The following CCSER1 variants were observed in gnomAD, a reference collection of about 807,000 sequenced individuals.
CCSER1 encodes serine-rich coiled-coil domain-containing protein 1.
In CCSER1, 41 loss-of-function variants were observed where a neutral mutation model predicts 82.0. The observed-to-expected ratio is 0.50, with a 90% CI of 0.39 to 0.65. The LOEUF is 0.65. Ranked by LOEUF, CCSER1 falls within the 30% of genes least tolerant of loss-of-function variation. The probability of loss-of-function intolerance (pLI) is 0.00; values close to 1 mark genes in which losing one functional copy is unlikely to be tolerated. For synonymous variants in CCSER1, 414 were observed against 383.9 expected, an observed-to-expected ratio of 1.08 and a Z score of -0.92; for missense variants, 1,119 against 1,064.2, an observed-to-expected ratio of 1.05 and a Z score of -0.72.
chr4:90,534,346 G>A (rs2153632205), intron 5 of CCSER1, among the ~76,000 whole-genome samples: 1 of 152,068 alleles, frequency 6.6e-6, no homozygotes, highest in African/African-American at 2.4e-5. Flanking sequence ...AGCCAGTATG[G>A]TCTTGATCTT....
intron 1 of CCSER1, among the ~76,000 whole-genome samples, chr4:90,190,130 C>T (rs1032505172): frequency 7.2e-5 from 11 of 151,990 alleles, no homozygotes; most frequent in African/African-American, 2.7e-4. Context: ...GGTCGAGAAA[C>T]TGAAGTACAG....
rs75984727 is a variant in CCSER1, at chr4:91,399,505, A to G, written c.2218-199067A>G. Reference sequence around the variant, plus strand: ...ATGCCTGTCTTCAGAGGGGTAATCAATTCCTCTAACCACTGAACAGGGATT... The same window carrying G: ...ATGCCTGTCTTCAGAGGGGTAATCAGTTCCTCTAACCACTGAACAGGGATT... On this transcript the variant is annotated intron_variant, in intron 10 of 10. Transcript: ENST00000509176. Among the ~76,000 whole-genome samples, 944 of 152,072 alleles carry G rather than the reference A, an allele frequency of 6.2e-3. 10 individuals carry two copies. The highest frequency in any genetic ancestry group is 0.022 in the African/African-American group (913 of 41,532).
At chr4:91,451,988 T>G (rs1755895845) in intron 10 of CCSER1, among the ~76,000 whole-genome samples, 1 of 151,964 alleles carries the variant, frequency 6.6e-6, no homozygotes, top group African/African-American at 2.4e-5. Context: ...CCTGAAGACT[T>G]ATCTCTATTT....
At chr4:90,154,180 A>G (rs1727525036) in intron 1 of CCSER1, among the ~76,000 whole-genome samples, 1 of 151,806 alleles carries the variant, frequency 6.6e-6, no homozygotes, top group Admixed American at 6.6e-5. Flanking sequence ...CAAAGATCAG[A>G]TAGTTTTAGA....
chr4:90,302,955 A>G (rs1733461442), intron 1 of CCSER1, among the ~76,000 whole-genome samples: 1 of 152,168 alleles, frequency 6.6e-6, no homozygotes, highest in Non-Finnish European at 1.5e-5. Context: ...CCAAGCCTTA[A>G]AGAGCCTTCC....
chr4:90,292,166 C>G (rs1731058160), intron 1 of CCSER1, among the ~76,000 whole-genome samples: 2 of 151,612 alleles, frequency 1.3e-5, no homozygotes, highest in Admixed American at 1.3e-4. Context: ...TCTTTTTTTC[C>G]TCTCTTTTTC....
chr4:91,594,607 C>G lies in CCSER1; in HGVS notation c.2218-3965C>G, dbSNP rs534181827. ...TTAAGAGGATGTTTCCTATGTACTTCTAAACATATTCCAAAACATGTAGCA... is the reference window on the plus strand; with the variant it reads ...TTAAGAGGATGTTTCCTATGTACTTGTAAACATATTCCAAAACATGTAGCA... On this transcript the variant is annotated intron_variant, in intron 10 of 10. Coordinates refer to ENST00000509176, the MANE Select transcript of CCSER1 (RefSeq NM_001145065.2). Among the ~76,000 whole-genome samples, 3 of 151,862 alleles carry G rather than the reference C, an allele frequency of 2.0e-5. No individual in the cohort carries two copies. The South Asian group carries it at 6.2e-4, about 31-fold the overall frequency.
intron 10 of CCSER1, among the ~76,000 whole-genome samples, chr4:91,573,672 G>A (rs1352135747): frequency 2.6e-5 from 4 of 152,164 alleles, no homozygotes; most frequent in African/African-American, 7.2e-5. Context: ...CCGTTGCCCT[G>A]CTTTGCTTTT....
intron 10 of CCSER1, among the ~76,000 whole-genome samples, chr4:91,474,815 A>ATATATG (rs1560700786): frequency 3.2e-4 from 20 of 63,408 alleles, no homozygotes; most frequent in African/African-American, 1.1e-3. Flanking sequence ...ATATATATAC[A>ATATATG]CACACACACA....
chr4:91,122,434 T>A (rs1727166345), intron 10 of CCSER1, among the ~76,000 whole-genome samples: 1 of 151,732 alleles, frequency 6.6e-6, no homozygotes, highest in Admixed American at 6.6e-5. Context: ...TTCTGACCCT[T>A]CCACATATTT....
intron 10 of CCSER1, among the ~76,000 whole-genome samples, chr4:91,558,963 G>A (rs910593730): frequency 2.6e-5 from 4 of 151,460 alleles, no homozygotes; most frequent in Non-Finnish European, 5.9e-5. Context: ...GGAGATTCTT[G>A]TTGATTTCAA....
At chr4:90,700,294 C>T (rs926294729) in intron 6 of CCSER1, among the ~76,000 whole-genome samples, 5 of 152,082 alleles carry the variant, frequency 3.3e-5, no homozygotes, top group African/African-American at 7.2e-5. Flanking sequence ...CAGCTTCATC[C>T]GTGTCCCTAC....
rs202011938 is a variant in CCSER1 at position 90,400,002 on chromosome 4, T to C, written c.1510-34T>C. ...GTATTTCCTCATTTACTCAGTGTTT[T>C]GGTTTCTAATTGTTGGTTTTGATTT... On this transcript the variant is annotated intron_variant, in intron 3 of 10. Coordinates refer to ENST00000509176, the MANE Select transcript of CCSER1 (RefSeq NM_001145065.2). 5.7e-6 allele frequency: 7 copies of C among 1,231,250 alleles called. No homozygotes were observed. In the East Asian group the frequency reaches 1.6e-4, roughly 29 times the overall value. The allele number at this position is 1,231,250 out of a possible 1,614,324, so 76.3% of individuals were successfully genotyped here.
intron 10 of CCSER1, among the ~76,000 whole-genome samples, chr4:91,098,853 T>C (rs1473066603): frequency 6.7e-6 from 1 of 149,630 alleles, no homozygotes; most frequent in South Asian, 2.2e-4. Flanking sequence ...GAATTGTTTT[T>C]TTAAAGGGAT....
chr4:91,390,401 G>A (rs774213008), intron 10 of CCSER1, among the ~76,000 whole-genome samples: 4 of 151,648 alleles, frequency 2.6e-5, no homozygotes, highest in Non-Finnish European at 5.9e-5. Flanking sequence ...TGATCATGCT[G>A]TATTATAATT....
chr4:90,748,032 T>C (rs2149469478), intron 7 of CCSER1, among the ~76,000 whole-genome samples: 1 of 113,736 alleles, frequency 8.8e-6, no homozygotes, highest in South Asian at 2.8e-4. Context: ...TGTGCCACAT[T>C]TTCTTCTTTT....
rs942289906 is a variant in CCSER1, at chr4:90,414,372, A to G, written c.1603+14243A>G. ...TCTGGAAACCATTTTTTGTGAAATA[A>G]TACACATTATGTTTCAAACACAGGA... On this transcript the variant is annotated intron_variant, in intron 4 of 10. Coordinates refer to ENST00000509176, the MANE Select transcript of CCSER1 (RefSeq NM_001145065.2). Among the ~76,000 whole-genome samples, 10 of 152,040 alleles carry G rather than the reference A, an allele frequency of 6.6e-5. No homozygotes were observed. In the East Asian group the frequency reaches 1.9e-3, roughly 29 times the overall value.
chr4:90,748,409 G>A (rs1282802696), intron 7 of CCSER1, among the ~76,000 whole-genome samples: 2 of 150,406 alleles, frequency 1.3e-5, no homozygotes, highest in Admixed American at 6.6e-5. Context: ...GCGTATATGT[G>A]CCACATTTTC....
intron 4 of CCSER1, among the ~76,000 whole-genome samples, chr4:90,448,895 G>A (rs12650836): frequency 0.12 from 17,747 of 151,988 alleles, 1,484 homozygotes; most frequent in East Asian, 0.37. Context: ...CATTAGGCAG[G>A]TCCCGAGTTC....
Sources: allele counts gnomAD v4.1 joint callset (sites outside exome capture counted in the v4.1 genomes callset), GRCh38; gene constraint gnomAD v4.1.1; transcripts MANE v1.5; gene names NCBI Gene and HGNC (gene_info 2026-07-23, HGNC 2026-07-21).